The following ITFG1 variants were observed in gnomAD, a reference collection of about 807,000 sequenced individuals.
The protein encoded by ITFG1 is integrin alpha FG-GAP repeat containing 1.
ITFG1 carries 34 observed loss-of-function variants against 81.8 expected under a neutral mutation model. The ratio of observed to expected loss-of-function variants is 0.42; its 90% CI spans 0.32 to 0.55. The LOEUF is 0.55. Among genes scored for constraint, ITFG1 ranks in the 20% least tolerant of loss-of-function variants. ITFG1 has a pLI of 0.17. For missense variants in ITFG1, 672 were observed against 755.4 expected, an observed-to-expected ratio of 0.89 and a Z score of 1.29; for synonymous variants, 285 against 270.6, an observed-to-expected ratio of 1.05 and a Z score of -0.52.
intron 8 of ITFG1, among the ~76,000 whole-genome samples, chr16:47,351,463 G>T (rs549426474): frequency 1.6e-4 from 25 of 152,100 alleles, no homozygotes; most frequent in African/African-American, 5.1e-4. Flanking sequence ...CATTCACAAT[G>T]GCTTCAAAGA....
intron 6 of ITFG1, chr16:47,396,066 T>C: frequency 1.7e-6 from 1 of 580,504 alleles, no homozygotes; most frequent in African/African-American, 2.0e-5. Flanking sequence ...GATATTCCTT[T>C]ACTTTAGTCT....
chr16:47,435,168 A>G (rs1969149499), intron 5 of ITFG1, among the ~76,000 whole-genome samples: 1 of 152,220 alleles, frequency 6.6e-6, no homozygotes, highest in Non-Finnish European at 1.5e-5. Flanking sequence ...CATCCTGCAC[A>G]TGTATCCCTG....
At chr16:47,323,406 T>C (rs1309970910) in intron 8 of ITFG1, among the ~76,000 whole-genome samples, 1 of 152,082 alleles carries the variant, frequency 6.6e-6, no homozygotes, top group African/African-American at 2.4e-5. Context: ...CCCCTAGTAA[T>C]TTGATTCTCT....
chr16:47,190,698 T>C (rs1965281986), intron 14 of ITFG1, among the ~76,000 whole-genome samples: 1 of 152,226 alleles, frequency 6.6e-6, no homozygotes, highest in African/African-American at 2.4e-5. Context: ...ATTTGGCTCA[T>C]GAAGCAAAGC....
At chr16:47,384,486 G>A (rs567865713) in intron 6 of ITFG1, among the ~76,000 whole-genome samples, 4 of 152,076 alleles carry the variant, frequency 2.6e-5, no homozygotes, top group African/African-American at 9.6e-5. Context: ...GAATAACCCT[G>A]GTCTTAATGA....
chr16:47,245,234 A>G (rs1261670577), intron 12 of ITFG1, among the ~76,000 whole-genome samples: 2 of 152,022 alleles, frequency 1.3e-5, no homozygotes, highest in African/African-American at 4.8e-5. Flanking sequence ...CTGTAATACC[A>G]GCTACTAGGG....
chr16:47,456,811 T>TC (rs1341037055), intron 2 of ITFG1, among the ~76,000 whole-genome samples: 1 of 152,126 alleles, frequency 6.6e-6, no homozygotes, highest in East Asian at 1.9e-4. Flanking sequence ...TGAGGAAATT[T>TC]CTTTTTTTAC....
At chr16:47,264,545 TACACACACACACACACACACAC>T (rs60424367) in intron 10 of ITFG1, among the ~76,000 whole-genome samples, 3 of 136,036 alleles carry the variant, frequency 2.2e-5, no homozygotes, top group Non-Finnish European at 3.2e-5. Context: ...TGTTCTCTAT[TACACACACACACACACACACAC>T]ACACACACAC....
At chr16:47,333,867 T>C (rs527740389) in intron 8 of ITFG1, among the ~76,000 whole-genome samples, 2 of 152,298 alleles carry the variant, frequency 1.3e-5, no homozygotes, top group African/African-American at 4.8e-5. Context: ...TACTGAAAAA[T>C]ATAATGGTTT....
chr16:47,451,798 G>C (rs549546905), intron 4 of ITFG1, among the ~76,000 whole-genome samples: 1 of 152,290 alleles, frequency 6.6e-6, no homozygotes, highest in East Asian at 1.9e-4. Context: ...GCCTGTTGTT[G>C]ACCCACACTG....
Position 47,258,729 on chromosome 16 carries a change from G to A in ITFG1, c.1233C>T (p.Asp411=), listed in dbSNP as rs776956089. The A allele has an allele frequency of 2.0e-6, 3 of 1,483,324 alleles. No homozygotes were observed. In the South Asian group the frequency reaches 3.9e-5, roughly 19 times the overall value. The allele number at this position is 1,483,324 out of a possible 1,614,324, so 91.9% of individuals were successfully genotyped here. ...TATATCCTTTACTTAGCACTACAAT[G>A]TCCAAGATTCCCTGGAAAAAAACAA... ...FFDIYEDGIL[D]IVVLSKGYTK... Residue 411 remains aspartate (D), a synonymous_variant, in exon 12 of 18, where the codon GAC becomes GAT. Coordinates refer to ENST00000320640, the MANE Select transcript of ITFG1 (RefSeq NM_030790.5).
chr16:47,319,813 C>T (rs1009352736), intron 8 of ITFG1, among the ~76,000 whole-genome samples: 7 of 152,156 alleles, frequency 4.6e-5, no homozygotes, highest in Non-Finnish European at 8.8e-5. Context: ...TTGTAAATGT[C>T]AACATGTGAA....
chr16:47,441,843 G>A (rs1369090857), intron 5 of ITFG1, among the ~76,000 whole-genome samples: 1 of 152,126 alleles, frequency 6.6e-6, no homozygotes, highest in Admixed American at 6.5e-5. Flanking sequence ...AATCAGGCAG[G>A]AGAAGGAAAT....
chr16:47,423,541 C>A (rs1158696515), intron 6 of ITFG1, among the ~76,000 whole-genome samples: 3 of 152,034 alleles, frequency 2.0e-5, no homozygotes, highest in Non-Finnish European at 4.4e-5. Context: ...TGGTCTTTAC[C>A]ATTTGGCATG....
At chr16:47,271,415 A>G (rs1241322842) in intron 10 of ITFG1, among the ~76,000 whole-genome samples, 2 of 152,242 alleles carry the variant, frequency 1.3e-5, no homozygotes, top group African/African-American at 4.8e-5. Context: ...ACAATTAAAT[A>G]ACACTTCACA....
intron 17 of ITFG1, 111 bp from the exon 18 acceptor site, chr16:47,155,889 AATAG>A: frequency 2.8e-6 from 2 of 702,360 alleles, no homozygotes; most frequent in Admixed American, 5.6e-5. Context: ...ATTAGCAGAT[AATAG>A]ATATGATTTC....
intron 14 of ITFG1, among the ~76,000 whole-genome samples, chr16:47,206,276 T>A (rs1484662043): frequency 6.6e-6 from 1 of 152,204 alleles, no homozygotes; most frequent in Non-Finnish European, 1.5e-5. Context: ...CCCATCCCCA[T>A]CTAAACTGCT....
chr16:47,436,569 A>C (rs1479675957), intron 5 of ITFG1, among the ~76,000 whole-genome samples: 1 of 152,208 alleles, frequency 6.6e-6, no homozygotes, highest in African/African-American at 2.4e-5. Context: ...GTATCCAGGC[A>C]TACAGTCTAC....
Position 47,237,597 on chromosome 16 carries a change from C to T in ITFG1, c.1374+368G>A, listed in dbSNP as rs113993344. On this transcript the variant is annotated intron_variant, in intron 13 of 17. Transcript: ENST00000320640. ...ATTGCCTACTATATGCTTGTCTCTG[C>T]GACCTATACCAGGTACACAAGATGA... Among the ~76,000 whole-genome samples, 1,141 of 152,258 alleles carry T rather than the reference C, an allele frequency of 7.5e-3. 19 individuals carry two copies. Among genetic ancestry groups the T allele is most frequent in the African/African-American group, 0.026 (1,078 of 41,526 alleles).
Sources: gnomAD v4.1 joint callset for allele counts (sites outside exome capture counted in the v4.1 genomes callset) on GRCh38, gnomAD v4.1.1 for gene constraint, MANE v1.5 for transcripts, NCBI Gene and HGNC (gene_info 2026-07-23, HGNC 2026-07-21) for gene names.